Variants in KCNQ1 observed in about 807,000 individuals in gnomAD.
KCNQ1 encodes potassium voltage-gated channel subfamily Q member 1, also known as potassium voltage-gated channel subfamily KQT member 1.
In KCNQ1, 49 loss-of-function variants were observed where a neutral mutation model predicts 72.4. The observed-to-expected ratio is 0.68, with a 90% confidence interval of 0.54 to 0.86. KCNQ1 has a LOEUF of 0.86. Among genes scored for constraint, KCNQ1 ranks in the 40% least tolerant of loss-of-function variants. KCNQ1 has a pLI of 0.00. For synonymous variants in KCNQ1, 450 were observed against 412.6 expected, an observed-to-expected ratio of 1.09 and a Z score of -1.10; for missense variants, 790 against 945.1, an observed-to-expected ratio of 0.84 and a Z score of 2.15.
At position 2,652,986 on chromosome 11, in the gene KCNQ1, A is replaced by G. The variant is rs1849780693; in HGVS notation, c.1394-8975A>G. ...CGGAAGTCATCTTTGACTGTGTCAC[A>G]TCACTGTCATGCTTGAGGCAAATCT... On this transcript the variant is annotated intron_variant, in intron 10 of 15. Transcript: ENST00000155840. The surrounding 1 kb of genome is among the most constrained non-coding windows in gnomAD (Gnocchi z 5.9). 1.0e-5 allele frequency: 4 copies of G among 398,548 alleles called. No homozygotes were observed. The highest frequency in any genetic ancestry group is 2.1e-5 in the African/African-American group (1 of 48,634). 24.7% of individuals were successfully genotyped at this position (398,548 alleles called of 1,614,324 possible). A position where few individuals can be genotyped will look rare whatever the true frequency, so the allele number is the denominator to read the frequency against.
intron 10 of KCNQ1, among the ~76,000 whole-genome samples, chr11:2,604,030 G>A (rs1376618630): frequency 2.0e-5 from 3 of 152,070 alleles, no homozygotes; most frequent in Admixed American, 6.6e-5. Flanking sequence ...ATCTTCCATC[G>A]TATGATATAC....
rs1849912969 is a variant in KCNQ1 at position 2,659,526 on chromosome 11, T to C, written c.1394-2435T>C. ...CACCTGTTGAAGGACATCTTCATTG[T>C]TTCCAGTATTTGGTAATTATGAGCA... is the stretch of plus-strand genomic sequence containing the variant. On this transcript the variant is annotated intron_variant, in intron 10 of 15. Transcript: ENST00000155840. The surrounding 1 kb of genome is among the most constrained non-coding windows in gnomAD (Gnocchi z 4.3). The C allele has an allele frequency of 2.5e-6, 1 of 398,606 alleles. No individual in the cohort carries two copies. The highest frequency in any genetic ancestry group is 3.6e-5 in the East Asian group (1 of 28,052). 24.7% of individuals were successfully genotyped at this position (398,606 alleles called of 1,614,324 possible). A position where few individuals can be genotyped will look rare whatever the true frequency, so the allele number is the denominator to read the frequency against.
At chr11:2,665,506 C>T (rs943879757) in intron 11 of KCNQ1, 16 of 394,694 alleles carry the variant, frequency 4.1e-5, no homozygotes, top group East Asian at 2.1e-4. Context: ...CTGTGCCTTG[C>T]GTGTGGTAAC....
intron 11 of KCNQ1, among the ~76,000 whole-genome samples, chr11:2,749,824 A>G (rs1431091763): frequency 5.3e-5 from 8 of 150,984 alleles, no homozygotes; most frequent in Non-Finnish European, 1.2e-4. Context: ...AAAAATATAT[A>G]TATATTAGCT....
intron 11 of KCNQ1, among the ~76,000 whole-genome samples, chr11:2,737,646 C>T (rs886502547): frequency 1.3e-5 from 2 of 152,282 alleles, no homozygotes; most frequent in Admixed American, 6.5e-5. Flanking sequence ...TGTAAAATGC[C>T]GGGAAGCCTT....
chr11:2,763,919 A>T (rs1389779017), intron 11 of KCNQ1, among the ~76,000 whole-genome samples: 1 of 151,630 alleles, frequency 6.6e-6, no homozygotes, highest in Non-Finnish European at 1.5e-5. Context: ...AAATTCATGT[A>T]TTCCAACAGT....
intron 11 of KCNQ1, chr11:2,697,362 C>G (rs1252141410): frequency 2.5e-6 from 1 of 398,478 alleles, no homozygotes. Flanking sequence ...CACTTCCTAC[C>G]TGATCCTCAC....
rs573916215 is a variant in KCNQ1, at chr11:2,671,066, A to G, written c.1514+8985A>G. 5.0e-6 allele frequency: 2 copies of G among 398,694 alleles called. No homozygotes were observed. The highest frequency in any genetic ancestry group is 4.4e-5 in the Admixed American group (1 of 22,742). The allele number at this position is 398,694 out of a possible 1,614,324, so 24.7% of individuals were successfully genotyped here. ...TGTATCTGAGGCACACATCCTTGGT[A>G]GTGACTGGCTAGCAGGAGGAAGTCT... On this transcript the variant is annotated intron_variant, in intron 11 of 15. Transcript: ENST00000155840. This position sits in a 1 kb window ranked among gnomAD's most constrained non-coding sequence, Gnocchi z 4.7.
Position 2,787,682 on chromosome 11 carries a change from T to C in KCNQ1, c.1794+9645T>C, listed in dbSNP as rs1368169592. On this transcript the variant is annotated intron_variant, in intron 15 of 15. Coordinates refer to ENST00000155840, the MANE Select transcript of KCNQ1 (RefSeq NM_000218.3). The surrounding 1 kb of genome is among the most constrained non-coding windows in gnomAD (Gnocchi z 6.3). ...AAATTGTTGACATTCTTCTTTTTCA[T>C]ACTGGGTCTTCAAAAGCCACTGCAT... 2.6e-5 allele frequency among the ~76,000 whole-genome samples: 4 copies of C among 152,226 alleles called. No individual in the cohort carries two copies.
chr11:2,584,567 G>A (rs1312241727), intron 7 of KCNQ1, among the ~76,000 whole-genome samples: 1 of 146,776 alleles, frequency 6.8e-6, no homozygotes, highest in Non-Finnish European at 1.5e-5. Context: ...GTATTTGTGT[G>A]TGTTAGTGTT....
At chr11:2,660,242 G>T (rs1160225874) in intron 10 of KCNQ1, 2 of 397,694 alleles carry the variant, frequency 5.0e-6, no homozygotes, top group Admixed American at 8.8e-5. Context: ...TTTTCTAATT[G>T]TTGATCATCT....
chr11:2,749,432 C>G (rs1407876089), intron 11 of KCNQ1, among the ~76,000 whole-genome samples: 1 of 152,134 alleles, frequency 6.6e-6, no homozygotes, highest in Non-Finnish European at 1.5e-5. Context: ...CTGTGTGACC[C>G]TGGGCACGCT....
rs549312776 is a variant in KCNQ1 at position 2,526,961 on chromosome 11, C to A, written c.387-967C>A. On this transcript the variant is annotated intron_variant, in intron 1 of 15. Transcript: ENST00000155840. This position sits in a 1 kb window ranked among gnomAD's most constrained non-coding sequence, Gnocchi z 6.1. The stretch of plus-strand genomic sequence containing the variant: ...TGTGGCCATCTCCTGGCTCTCCGGT[C>A]GCTGAGGATCCACGGGGGTCCCTGG... 2.6e-5 allele frequency among the ~76,000 whole-genome samples: 4 copies of A among 152,088 alleles called. No homozygotes were observed. Among genetic ancestry groups the A allele is most frequent in the African/African-American group, 9.7e-5 (4 of 41,414 alleles).
intron 15 of KCNQ1, among the ~76,000 whole-genome samples, chr11:2,834,371 A>C (rs1260024579): frequency 6.6e-6 from 1 of 152,036 alleles, no homozygotes; most frequent in Admixed American, 6.5e-5. Flanking sequence ...AGCAGGAGGA[A>C]ATCCCTTGTT....
chr11:2,471,948 A>G lies in KCNQ1; in HGVS notation c.386+26464A>G, dbSNP rs1846478530. On this transcript the variant is annotated intron_variant, in intron 1 of 15. Coordinates refer to ENST00000155840, the MANE Select transcript of KCNQ1 (RefSeq NM_000218.3). The surrounding 1 kb of genome is among the most constrained non-coding windows in gnomAD (Gnocchi z 4.8). ...TAGGCGTGTATGTGTGCGCGTGTGT[A>G]GGTGTGTGTTCATATATATGGGTGT... Among the ~76,000 whole-genome samples, 3 of 144,990 alleles carry G rather than the reference A, an allele frequency of 2.1e-5. No individual in the cohort carries two copies. The highest frequency in any genetic ancestry group is 6.8e-5 in the Admixed American group (1 of 14,672).
At chr11:2,583,677 T>C (rs1412401247) in intron 7 of KCNQ1, 132 bp downstream of exon 7, 8 of 736,214 alleles carry the variant, frequency 1.1e-5, no homozygotes, top group Admixed American at 2.0e-5. Flanking sequence ...TAGAAGGTGC[T>C]ATACTCCAGA....
chr11:2,587,824 G>A (rs886417504), intron 9 of KCNQ1, 132 bp downstream of exon 9: 44 of 1,290,726 alleles, frequency 3.4e-5, no homozygotes, highest in Middle Eastern at 1.9e-4. Flanking sequence ...AGTCAGCATC[G>A]TTCGGGACAC....
chr11:2,573,136 G>A, intron 6 of KCNQ1, 150 bp downstream of exon 6: 1 of 961,136 alleles, frequency 1.0e-6, no homozygotes, highest in African/African-American at 1.6e-5. Context: ...ACCTGTGCTT[G>A]GAGCCGCTGG....
chr11:2,518,400 G>C (rs1393389736), intron 1 of KCNQ1, among the ~76,000 whole-genome samples: 1 of 152,222 alleles, frequency 6.6e-6, no homozygotes, highest in South Asian at 2.1e-4. Flanking sequence ...GGGGGACCAG[G>C]GGAGTGGGCT....
Sources: gnomAD v4.1 joint callset for allele counts (sites outside exome capture counted in the v4.1 genomes callset) on GRCh38, gnomAD v4.1.1 for gene constraint, Gnocchi (gnomAD v3.1) non-coding constraint, MANE v1.5 for transcripts, NCBI Gene and HGNC (gene_info 2026-07-23, HGNC 2026-07-21) for gene names.